ZDBF2: variants seen among roughly 807,000 people sequenced by gnomAD.
ZDBF2 encodes the protein DBF4-type zinc finger-containing protein 2.
ZDBF2 carries 6 observed loss-of-function variants against 9.4 expected under a neutral mutation model. That is an observed-to-expected ratio of 0.64 (90% CI 0.35 to 1.27). The LOEUF (loss-of-function observed/expected upper bound fraction) is 1.27, where lower values mean the gene tolerates loss of function less well. Among genes scored for constraint, ZDBF2 ranks in the 50% most tolerant of loss-of-function variants. The probability of loss-of-function intolerance (pLI) is 0.03; values close to 1 mark genes in which losing one functional copy is unlikely to be tolerated. For missense variants in ZDBF2, 2,697 were observed against 2,766.8 expected (o/e 0.97, Z 0.57); for synonymous variants, 905 against 946.3 (o/e 0.96, Z 0.80).
At chr2:206,286,634 T>C (rs987534990) in intron 3 of ZDBF2, among the ~76,000 whole-genome samples, 5 of 152,092 alleles carry the variant, frequency 3.3e-5, no homozygotes, top group Non-Finnish European at 7.4e-5. Context: ...GTGCTCAAGA[T>C]ATCCTTCTGC....
intron 2 of ZDBF2, among the ~76,000 whole-genome samples, chr2:206,279,795 A>G (rs571389142): frequency 1.3e-5 from 2 of 152,168 alleles, no homozygotes; most frequent in East Asian, 1.9e-4. Flanking sequence ...TGAGCATTTT[A>G]TTTTATTCTA....
chr2:206,294,045 T>A (rs1692038387), intron 3 of ZDBF2, among the ~76,000 whole-genome samples: 2 of 152,058 alleles, frequency 1.3e-5, no homozygotes, highest in Admixed American at 1.3e-4. Flanking sequence ...ATTCATACAA[T>A]GAATATGCAG....
intron 1 of ZDBF2, among the ~76,000 whole-genome samples, chr2:206,275,762 A>G (rs1690964841): frequency 6.6e-6 from 1 of 152,202 alleles, no homozygotes; most frequent in Non-Finnish European, 1.5e-5. Flanking sequence ...CCTCGAGAGA[A>G]TCTGCTAACA....
Position 206,304,812 on chromosome 2 carries a change from A to T in ZDBF2, c.284A>T (p.Asp95Val). Residue 95 changes from aspartate to valine, a missense_variant, in exon 5 of 5, where the codon GAT (aspartate) becomes GTT (valine). Transcript: ENST00000374423. Reference protein sequence around the residue: ...AFSEEEEEDEDKVEDEDATEE... With the variant: ...AFSEEEEEDEVKVEDEDATEE... ...TCTGAAGAAGAGGAAGAGGATGAGG[A>T]TAAGGTTGAGGATGAGGATGCTACC... 1.2e-6 allele frequency: 2 copies of T among 1,613,708 alleles called. No individual in the cohort carries two copies. The highest frequency in any genetic ancestry group is 1.7e-6 in the Non-Finnish European group (2 of 1,179,754).
At position 206,310,641 on chromosome 2, in the gene ZDBF2, A is replaced by C; in HGVS notation, c.6113A>C (p.Asp2038Ala). ...ATGAGGCACCATAGTTGGGATAATG[A>C]TATTCGGTTTATATGCAAATATAAA... Reference protein sequence around the residue: ...PKMRHHSWDNDIRFICKYKRN... With the variant: ...PKMRHHSWDNAIRFICKYKRN... The change falls in exon 5 of 5, where the codon GAT becomes GCT. Residue 2038 changes from aspartate (D) to alanine (A), a missense_variant. Transcript: ENST00000374423. The C allele has an allele frequency of 6.2e-7, 1 of 1,609,544 alleles. No homozygotes were observed.
In ZDBF2 at chr2:206,309,243, A is replaced by G. The variant is rs766801565; in HGVS notation, c.4715A>G (p.Asp1572Gly). 1.2e-6 allele frequency: 2 copies of G among 1,608,262 alleles called. No homozygotes were observed. The highest frequency in any genetic ancestry group is 1.7e-6 in the Non-Finnish European group (2 of 1,176,902). The change falls in exon 5 of 5, where the codon GAT becomes GGT. Residue 1572 changes from aspartate to glycine, a missense_variant. Physicochemically the swap from Asp to Gly is moderately conservative, Grantham distance 94. This residue lies in a region of ZDBF2 where 1,783 missense variants were observed against 1,776.5 expected (regional missense o/e 1.00). Coordinates refer to ENST00000374423, the MANE Select transcript of ZDBF2 (RefSeq NM_020923.3). ...CINTECIDIE[D>G]KSCDFFGSEV... ...AATACAGAATGTATTGATATAGAAG[A>G]TAAGAGCTGTGACTTTTTTGGTTCT...
Position 206,312,371 on chromosome 2 carries a change from A to G in ZDBF2, c.*778A>G, listed in dbSNP as rs919406272. 8 of 152,094 alleles carry G rather than the reference A, an allele frequency of 5.3e-5. No homozygotes were observed. The highest frequency in any genetic ancestry group is 3.3e-4 in the Admixed American group (5 of 15,260). 9.4% of individuals were successfully genotyped at this position (152,094 alleles called of 1,614,324 possible). A position where few individuals can be genotyped will look rare whatever the true frequency, so the allele number is the denominator to read the frequency against. Reference sequence around the variant, plus strand: ...TTATTTTGTGGCCTTATCCCCTAAAAATATTTTAGGCATTACCATATCAGT... The same window carrying G: ...TTATTTTGTGGCCTTATCCCCTAAAGATATTTTAGGCATTACCATATCAGT... On this transcript the variant is annotated 3_prime_UTR_variant, in exon 5 of 5. Transcript: ENST00000374423.
At position 206,307,127 on chromosome 2, in the gene ZDBF2, C is replaced by A. The variant is rs763737932; in HGVS notation, c.2599C>A (p.Pro867Thr). 2 of 1,612,620 alleles carry A rather than the reference C, an allele frequency of 1.2e-6. No individual in the cohort carries two copies. Among genetic ancestry groups the A allele is most frequent in the Middle Eastern group, 1.7e-4 (1 of 6,046 alleles). The change falls in exon 5 of 5, where the codon CCC becomes ACC. Residue 867 changes from proline to threonine, a missense_variant. By Grantham distance (38) the Pro-to-Thr change is conservative. Transcript: ENST00000374423. ...YIHLERKNDE[P>T]SGSEISSDSH... ...TCACTTAGAAAGGAAGAATGATGAACCCAGTGGTTCTGAAATAAGTTCGGA... is the reference window on the plus strand; with the variant it reads ...TCACTTAGAAAGGAAGAATGATGAAACCAGTGGTTCTGAAATAAGTTCGGA...
intron 3 of ZDBF2, among the ~76,000 whole-genome samples, chr2:206,294,054 A>G (rs1692038552): frequency 6.6e-6 from 1 of 152,230 alleles, no homozygotes; most frequent in Admixed American, 6.5e-5. Flanking sequence ...ATGAATATGC[A>G]GAAAAGAAAA....
At chr2:206,276,272 C>G (rs1690997322) in intron 1 of ZDBF2, among the ~76,000 whole-genome samples, 1 of 151,828 alleles carries the variant, frequency 6.6e-6, no homozygotes, top group African/African-American at 2.4e-5. Context: ...AAATATCAGA[C>G]TGCATTACAT....
intron 1 of ZDBF2, among the ~76,000 whole-genome samples, chr2:206,276,343 T>G (rs961307472): frequency 2.0e-5 from 3 of 152,184 alleles, no homozygotes; most frequent in Admixed American, 2.0e-4. Context: ...TGTGCGTGTG[T>G]GCTCGGTTGT....
chr2:206,277,315 A>G (rs2105890436), intron 1 of ZDBF2, among the ~76,000 whole-genome samples: 1 of 151,980 alleles, frequency 6.6e-6, no homozygotes, highest in African/African-American at 2.4e-5. Context: ...TTTCTTTAAA[A>G]AAAAAAAAAC....
rs770843772 is a variant in ZDBF2, at chr2:206,311,293, T to C, written c.6765T>C (p.Val2255=). The change falls in exon 5 of 5, where the codon GTT becomes GTC. Residue 2255 remains valine, a synonymous_variant. Transcript: ENST00000374423. ...GGTATCTGAAGAAGAAAAAATCTGT[T>C]GTCAGTAGGCTAAAGAAGGCGAAGA... ...LGRYLKKKKS[V]VSRLKKAKRT... 8 of 1,607,650 alleles carry C rather than the reference T, an allele frequency of 5.0e-6. No individual in the cohort carries two copies. The South Asian group carries it at 7.8e-5, about 16-fold the overall frequency.
intron 3 of ZDBF2, among the ~76,000 whole-genome samples, chr2:206,296,260 G>A (rs375935262): frequency 1.3e-5 from 2 of 152,140 alleles, no homozygotes; most frequent in Non-Finnish European, 2.9e-5. Flanking sequence ...GTTATTCTGA[G>A]TAGCTTGATG....
At position 206,310,621 on chromosome 2, in the gene ZDBF2, G is replaced by T; in HGVS notation, c.6093G>T (p.Arg2031Ser). The T allele has an allele frequency of 6.2e-7, 1 of 1,609,350 alleles. No homozygotes were observed. Among genetic ancestry groups the T allele is most frequent in the Non-Finnish European group, 8.5e-7 (1 of 1,177,436 alleles). The stretch of plus-strand genomic sequence containing the variant: ...AAGGCCTTCCTTTCCCTAAAATGAG[G>T]CACCATAGTTGGGATAATGATATTC... ...EGEGLPFPKMRHHSWDNDIRF... is the reference protein window; with the variant it reads ...EGEGLPFPKMSHHSWDNDIRF... Residue 2031 changes from arginine (R) to serine (S), a missense_variant, in exon 5 of 5, where the codon AGG (arginine) becomes AGT (serine). By Grantham distance (110) the Arg-to-Ser change is moderately radical (BLOSUM62 -1). Around this residue, in one of 3 missense-constraint regions of ZDBF2, gnomAD observed 1,783 missense variants for 1,776.5 expected, o/e 1.00. Coordinates refer to ENST00000374423, the MANE Select transcript of ZDBF2 (RefSeq NM_020923.3).
chr2:206,279,853 G>A (rs1472669236), intron 2 of ZDBF2, among the ~76,000 whole-genome samples: 2 of 152,088 alleles, frequency 1.3e-5, no homozygotes, highest in Non-Finnish European at 2.9e-5. Flanking sequence ...CACCCAGGCT[G>A]GAGTGCAGTG....
At position 206,309,924 on chromosome 2, in the gene ZDBF2, G is replaced by A; in HGVS notation, c.5396G>A (p.Arg1799Lys). 2 of 1,613,814 alleles carry A rather than the reference G, an allele frequency of 1.2e-6. No homozygotes were observed. The highest frequency in any genetic ancestry group is 1.7e-6 in the Non-Finnish European group (2 of 1,179,852). Residue 1799 changes from arginine (R) to lysine (K), a missense_variant, in exon 5 of 5, where the codon AGG becomes AAG. By Grantham distance (26) the Arg-to-Lys change is conservative (BLOSUM62 2). Coordinates refer to ENST00000374423, the MANE Select transcript of ZDBF2 (RefSeq NM_020923.3). The stretch of plus-strand genomic sequence containing the variant: ...TCTGTTCTCAAGGTTGATTCTGTAA[G>A]GAACCTGAAAAAAGCAAAGGATGTC... ...SSSVLKVDSVRNLKKAKDVIE... is the reference protein window; with the variant it reads ...SSSVLKVDSVKNLKKAKDVIE...
intron 3 of ZDBF2, among the ~76,000 whole-genome samples, chr2:206,285,491 T>A (rs994457894): frequency 9.9e-5 from 15 of 152,232 alleles, no homozygotes; most frequent in Non-Finnish European, 1.9e-4. Flanking sequence ...TAAGTTGGAT[T>A]ATTTCCTTTT....
Position 206,306,385 on chromosome 2 carries a change from C to A in ZDBF2, c.1857C>A (p.Pro619=), listed in dbSNP as rs1692799375. ...ACCTAAAACATAAGAAGCGTAAACC[C>A]AGTAGTGCTAAAGCACATCTTGATT... The part of the protein sequence containing the change: ...QVHLKHKKRK[P]SSAKAHLDCD... The change falls in exon 5 of 5, where the codon CCC becomes CCA. Residue 619 remains proline (P), a synonymous_variant. Transcript: ENST00000374423. 6.2e-7 allele frequency: 1 copy of A among 1,613,680 alleles called. No homozygotes were observed. The highest frequency in any genetic ancestry group is 8.5e-7 in the Non-Finnish European group (1 of 1,179,820).
Sources: gnomAD v4.1 joint callset for allele counts (sites outside exome capture counted in the v4.1 genomes callset) on GRCh38, gnomAD v4.1.1 for gene constraint, gnomAD v4.1.1 regional missense constraint, MANE v1.5 for transcripts, NCBI Gene and HGNC (gene_info 2026-07-23, HGNC 2026-07-21) for gene names.